Variants in SORCS2 observed in about 807,000 individuals in gnomAD.
The protein encoded by SORCS2 is sortilin related VPS10 domain containing receptor 2.
In SORCS2, 100 loss-of-function variants were observed where a neutral mutation model predicts 141.6. The ratio of observed to expected loss-of-function variants is 0.71; its 90% confidence interval spans 0.60 to 0.83. The LOEUF is 0.83. Among genes scored for constraint, SORCS2 ranks in the 40% least tolerant of loss-of-function variants. The pLI is 0.00. For synonymous variants in SORCS2, 789 were observed against 676.9 expected (o/e 1.17, Z -2.57); for missense variants, 1,646 against 1,560.2 (o/e 1.05, Z -0.93).
chr4:7,664,477 G>A lies in SORCS2; in HGVS notation c.1071+6G>A, dbSNP rs778619392. 1.0e-5 allele frequency: 16 copies of A among 1,591,144 alleles called. No individual in the cohort carries two copies. Among genetic ancestry groups the A allele is most frequent in the South Asian group, 3.4e-5 (3 of 88,518 alleles). ...ACGATTACATCTTCTTTAAGGTAAG[G>A]TTGCTTCTGGGGCTTTTGGAAATTG... On this transcript the variant is annotated splice_donor_region_variant and intron_variant, in intron 7 of 26. Transcript: ENST00000507866. This position sits in a 1 kb window ranked among gnomAD's most constrained non-coding sequence, Gnocchi z 4.7.
chr4:7,662,541 G>C (rs2108919692), intron 6 of SORCS2, among the ~76,000 whole-genome samples: 1 of 152,330 alleles, frequency 6.6e-6, no homozygotes, highest in South Asian at 2.1e-4. Context: ...TAAGGCTGCT[G>C]AATGAATAAG....
At chr4:7,265,648 GTCT>G (rs1323237091) in intron 1 of SORCS2, among the ~76,000 whole-genome samples, 1 of 152,190 alleles carries the variant, frequency 6.6e-6, no homozygotes, top group Non-Finnish European at 1.5e-5. Flanking sequence ...CTCCTCCCCT[GTCT>G]TCTTGTCTGT....
At chr4:7,599,057 G>A (rs1717477350) in intron 3 of SORCS2, among the ~76,000 whole-genome samples, 1 of 152,228 alleles carries the variant, frequency 6.6e-6, no homozygotes, top group South Asian at 2.1e-4. Context: ...GCTTGCCTGA[G>A]TGGAGCCTTG....
intron 1 of SORCS2, among the ~76,000 whole-genome samples, chr4:7,384,851 C>T (rs747208561): frequency 8.5e-5 from 13 of 152,210 alleles, no homozygotes; most frequent in African/African-American, 2.9e-4. Context: ...GAGCCCTTTG[C>T]GGAGATGCCT....
chr4:7,206,531 C>T (rs1016318849), intron 1 of SORCS2, among the ~76,000 whole-genome samples: 3 of 152,158 alleles, frequency 2.0e-5, no homozygotes, highest in African/African-American at 4.8e-5. Context: ...AATTAATCTC[C>T]ACCCCGTGGG....
At chr4:7,404,276 T>C (rs1028324082) in intron 2 of SORCS2, among the ~76,000 whole-genome samples, 2 of 152,132 alleles carry the variant, frequency 1.3e-5, no homozygotes, top group African/African-American at 4.8e-5. Context: ...TCCACATCTT[T>C]TCTATTGTGA....
intron 1 of SORCS2, among the ~76,000 whole-genome samples, chr4:7,310,680 G>A (rs1030023176): frequency 3.3e-5 from 5 of 152,232 alleles, no homozygotes; most frequent in South Asian, 2.1e-4. Flanking sequence ...CAAGGCAGAC[G>A]GGAGCTGGAG....
intron 2 of SORCS2, among the ~76,000 whole-genome samples, chr4:7,421,601 G>A (rs1324991336): frequency 6.8e-6 from 1 of 148,096 alleles, no homozygotes; most frequent in Non-Finnish European, 1.5e-5. Flanking sequence ...TGGGGGGTGA[G>A]GTTCTTGCCC....
At chr4:7,310,791 A>G (rs935486767) in intron 1 of SORCS2, among the ~76,000 whole-genome samples, 1 of 152,228 alleles carries the variant, frequency 6.6e-6, no homozygotes, top group Non-Finnish European at 1.5e-5. Context: ...ATCTTGGCCA[A>G]TCTGCAAAGA....
chr4:7,303,942 G>A (rs1043932684), intron 1 of SORCS2, among the ~76,000 whole-genome samples: 2 of 152,272 alleles, frequency 1.3e-5, no homozygotes, highest in Non-Finnish European at 2.9e-5. Flanking sequence ...CTGTGTGCCT[G>A]TTTACCAGGC....
At chr4:7,416,415 G>A (rs191309381) in intron 2 of SORCS2, among the ~76,000 whole-genome samples, 2 of 152,226 alleles carry the variant, frequency 1.3e-5, no homozygotes, top group African/African-American at 4.8e-5. Flanking sequence ...TGAGTCTGGG[G>A]CAGGACTCAG....
chr4:7,276,633 T>C (rs375730357), intron 1 of SORCS2, among the ~76,000 whole-genome samples: 1 of 152,130 alleles, frequency 6.6e-6, no homozygotes, highest in Non-Finnish European at 1.5e-5. Flanking sequence ...CCTACAGCAC[T>C]TTGCACCCAG....
At chr4:7,511,163 A>C (rs796855217) in intron 2 of SORCS2, among the ~76,000 whole-genome samples, 1 of 152,114 alleles carries the variant, frequency 6.6e-6, no homozygotes, top group Non-Finnish European at 1.5e-5. Context: ...GACAGACTAC[A>C]TCCACGCAGA....
At chr4:7,542,663 T>A (rs561449717) in intron 3 of SORCS2, among the ~76,000 whole-genome samples, 1 of 152,244 alleles carries the variant, frequency 6.6e-6, no homozygotes, top group African/African-American at 2.4e-5. Context: ...TTCCACTGTT[T>A]GAAGGCACCA....
chr4:7,704,933 G>A (rs1268321015), intron 14 of SORCS2, among the ~76,000 whole-genome samples: 8 of 152,106 alleles, frequency 5.3e-5, no homozygotes, highest in Non-Finnish European at 7.4e-5. Context: ...CGGCTCCTGC[G>A]ACCCCGCGCT....
chr4:7,507,901 A>AAT (rs1214199925), intron 2 of SORCS2, among the ~76,000 whole-genome samples: 11 of 152,204 alleles, frequency 7.2e-5, no homozygotes, highest in Admixed American at 3.3e-4. Context: ...GAAAAATGAG[A>AAT]ATATGTATAA....
chr4:7,594,948 A>G (rs4689793), intron 3 of SORCS2, among the ~76,000 whole-genome samples: 97,262 of 151,918 alleles, frequency 0.64, 31,233 homozygotes, highest in East Asian at 0.73. Context: ...TTTGCAACAC[A>G]TCTCCACCTC....
chr4:7,446,963 C>T (rs1262825083), intron 2 of SORCS2, among the ~76,000 whole-genome samples: 5 of 152,210 alleles, frequency 3.3e-5, no homozygotes, highest in South Asian at 2.1e-4. Flanking sequence ...CACCTTCAGC[C>T]GGGCTGTCTC....
At chr4:7,406,400 G>C (rs1228840664) in intron 2 of SORCS2, among the ~76,000 whole-genome samples, 1 of 146,080 alleles carries the variant, frequency 6.8e-6, no homozygotes, top group Non-Finnish European at 1.5e-5. Context: ...CTTTATGACA[G>C]CTTTGATTTT....
Sources: allele counts gnomAD v4.1 joint callset (sites outside exome capture counted in the v4.1 genomes callset), GRCh38; gene constraint gnomAD v4.1.1; non-coding constraint Gnocchi (gnomAD v3.1); transcripts MANE v1.5; gene names NCBI Gene and HGNC (gene_info 2026-07-23, HGNC 2026-07-21).